Variants in ABL1 observed in about 807,000 individuals in gnomAD.
ABL1 encodes ABL proto-oncogene 1, non-receptor tyrosine kinase.
In ABL1, 11 loss-of-function variants were observed where a neutral mutation model predicts 94.7. The ratio of observed to expected loss-of-function variants is 0.12; its 90% confidence interval spans 0.07 to 0.19. ABL1 has a LOEUF of 0.19. Ranked by LOEUF, ABL1 falls within the 10% of genes least tolerant of loss-of-function variation. ABL1 has a pLI of 1.00. For synonymous variants in ABL1, 656 were observed against 622.4 expected, an observed-to-expected ratio of 1.05 and a Z score of -0.80; for missense variants, 1,082 against 1,489.4, an observed-to-expected ratio of 0.73 and a Z score of 4.50.
chr9:130,724,672 G>A lies in ABL1; in HGVS notation c.136+10217G>A, dbSNP rs115243177. Reference sequence around the variant, plus strand: ...TTAAAAATTAGCCAGGCGTGGTGACGCATACCTGTAATCCCAGCTACCTGG... The same window carrying A: ...TTAAAAATTAGCCAGGCGTGGTGACACATACCTGTAATCCCAGCTACCTGG... On this transcript the variant is annotated intron_variant, in intron 1 of 10. Transcript: ENST00000372348. The A allele has an allele frequency of 2.2e-3, 658 of 297,654 alleles. 5 individuals carry two copies. Among genetic ancestry groups the A allele is most frequent in the African/African-American group, 0.014 (588 of 42,152 alleles). 18.4% of individuals were successfully genotyped at this position (297,654 alleles called of 1,614,324 possible).
At chr9:130,854,633 A>T (rs976824978) in intron 2 of ABL1, among the ~76,000 whole-genome samples, 168 bp from the exon 3 acceptor site, 1 of 152,242 alleles carries the variant, frequency 6.6e-6, no homozygotes, top group Non-Finnish European at 1.5e-5. Context: ...CTTCAAATGT[A>T]AACGTGAATT....
At chr9:130,809,144 C>T (rs1363970318) in intron 1 of ABL1, among the ~76,000 whole-genome samples, 1 of 152,174 alleles carries the variant, frequency 6.6e-6, no homozygotes, top group South Asian at 2.1e-4. Context: ...GAAGAGAACA[C>T]TGGCCTGCAG....
intron 1 of ABL1, among the ~76,000 whole-genome samples, chr9:130,776,061 T>C (rs1344695579): frequency 6.6e-6 from 1 of 152,196 alleles, no homozygotes; most frequent in Non-Finnish European, 1.5e-5. Context: ...AAGGAACTTT[T>C]ATACTTTCAA....
chr9:130,847,152 C>A (rs1017305661), intron 1 of ABL1, among the ~76,000 whole-genome samples: 3 of 151,888 alleles, frequency 2.0e-5, no homozygotes, highest in Non-Finnish European at 4.4e-5. Flanking sequence ...AACATTATGA[C>A]AAAATAACAA....
At chr9:130,857,999 C>G (rs1831003094) in intron 3 of ABL1, among the ~76,000 whole-genome samples, 2 of 152,042 alleles carry the variant, frequency 1.3e-5, no homozygotes, top group Admixed American at 1.3e-4. Flanking sequence ...ATCAGAACAC[C>G]AGGGTGCACC....
chr9:130,870,082 G>A (rs757065192), intron 4 of ABL1, among the ~76,000 whole-genome samples: 1 of 152,180 alleles, frequency 6.6e-6, no homozygotes, highest in Non-Finnish European at 1.5e-5. Context: ...CAAAGTGTTG[G>A]GATTACAGGC....
intron 1 of ABL1, among the ~76,000 whole-genome samples, chr9:130,793,201 T>C (rs1004310053): frequency 1.3e-5 from 2 of 152,186 alleles, no homozygotes; most frequent in Non-Finnish European, 2.9e-5. Flanking sequence ...GCTGGGATTA[T>C]AGGCATGAGC....
chr9:130,722,644 T>C (rs1831531251), intron 1 of ABL1, among the ~76,000 whole-genome samples: 1 of 152,146 alleles, frequency 6.6e-6, no homozygotes, highest in Non-Finnish European at 1.5e-5. Flanking sequence ...GGTGAGCCAT[T>C]GCACCTGGCC....
intron 1 of ABL1, among the ~76,000 whole-genome samples, chr9:130,728,672 G>C (rs931376396): frequency 3.8e-4 from 56 of 149,128 alleles, no homozygotes; most frequent in Middle Eastern, 3.4e-3. Flanking sequence ...TTACAGGCAT[G>C]AGCCACTGCG....
intron 1 of ABL1, among the ~76,000 whole-genome samples, chr9:130,826,088 C>A (rs181302179): frequency 1.3e-5 from 2 of 152,076 alleles, no homozygotes; most frequent in Non-Finnish European, 2.9e-5. Flanking sequence ...TATAACCTAT[C>A]TGTGTCACAG....
At chr9:130,822,101 G>A (rs911203063) in intron 1 of ABL1, among the ~76,000 whole-genome samples, 2 of 152,068 alleles carry the variant, frequency 1.3e-5, no homozygotes, top group African/African-American at 4.8e-5. Context: ...GCCTCCCAAA[G>A]TGCTGGCATT....
intron 1 of ABL1, among the ~76,000 whole-genome samples, chr9:130,804,215 A>G (rs1252832023): frequency 2.0e-5 from 3 of 152,002 alleles, no homozygotes; most frequent in Non-Finnish European, 4.4e-5. Flanking sequence ...AAAAATTAGC[A>G]GGGCGTGGTG....
intron 4 of ABL1, among the ~76,000 whole-genome samples, chr9:130,867,864 T>C (rs746016030): frequency 5.3e-5 from 8 of 152,100 alleles, no homozygotes; most frequent in Non-Finnish European, 1.0e-4. Context: ...TCTCCTGGGC[T>C]TTCCTCTCGA....
At chr9:130,800,125 G>A (rs1265358583) in intron 1 of ABL1, among the ~76,000 whole-genome samples, 1 of 152,088 alleles carries the variant, frequency 6.6e-6, no homozygotes. Context: ...ACACGCCTCA[G>A]CCTTCCAAAG....
At chr9:130,859,465 C>T (rs1831028711) in intron 3 of ABL1, among the ~76,000 whole-genome samples, 1 of 151,794 alleles carries the variant, frequency 6.6e-6, no homozygotes, top group Non-Finnish European at 1.5e-5. Context: ...GGTGGAGGGG[C>T]TTTGGACCGT....
chr9:130,817,297 A>G (rs907583409), intron 1 of ABL1, among the ~76,000 whole-genome samples: 2 of 152,184 alleles, frequency 1.3e-5, no homozygotes, highest in African/African-American at 2.4e-5. Context: ...AAAGAAATCA[A>G]TGTACTTTAT....
At chr9:130,836,581 T>C (rs1039827545) in intron 1 of ABL1, among the ~76,000 whole-genome samples, 1 of 151,936 alleles carries the variant, frequency 6.6e-6, no homozygotes, top group Non-Finnish European at 1.5e-5. Context: ...CCCAACACTT[T>C]GGGAGGCCGA....
At chr9:130,725,438 T>C (rs914212073) in intron 1 of ABL1, among the ~76,000 whole-genome samples, 2 of 152,332 alleles carry the variant, frequency 1.3e-5, no homozygotes. Flanking sequence ...TGGAGTGCAA[T>C]GGCGCGATCT....
chr9:130,854,616 C>T (rs1830944692), intron 2 of ABL1, among the ~76,000 whole-genome samples, 185 bp from the exon 3 acceptor site: 1 of 152,168 alleles, frequency 6.6e-6, no homozygotes. Context: ...TCAGTACAAA[C>T]AGGAAGCTTC....
Sources: gnomAD v4.1 joint callset for allele counts (sites outside exome capture counted in the v4.1 genomes callset) on GRCh38, gnomAD v4.1.1 for gene constraint, MANE v1.5 for transcripts, NCBI Gene and HGNC (gene_info 2026-07-23, HGNC 2026-07-21) for gene names.